The following BABAM2 variants were observed in gnomAD, a reference collection of about 807,000 sequenced individuals.
The protein encoded by BABAM2 is BRISC and BRCA1-A complex member 2.
In BABAM2, 31 loss-of-function variants were observed where a neutral mutation model predicts 54.7. The ratio of observed to expected loss-of-function variants is 0.57; its 90% CI spans 0.43 to 0.77. The LOEUF (loss-of-function observed/expected upper bound fraction) is 0.77, where lower values mean the gene tolerates loss of function less well. Ranked by LOEUF, BABAM2 falls within the 30% of genes least tolerant of loss-of-function variation. BABAM2 has a pLI of 0.00. For missense variants in BABAM2, 364 were observed against 455.8 expected, an observed-to-expected ratio of 0.80 and a Z score of 1.83; for synonymous variants, 167 against 162.9, an observed-to-expected ratio of 1.03 and a Z score of -0.19.
chr2:27,947,466 CT>C (rs1669383714), intron 3 of BABAM2, among the ~76,000 whole-genome samples: 1 of 152,096 alleles, frequency 6.6e-6, no homozygotes, highest in Non-Finnish European at 1.5e-5. Context: ...TCTGGCCATC[CT>C]TTTCTGCTAT....
rs1673045954 is a variant in BABAM2, at chr2:27,995,079, C to T, written c.300+6992C>T. ...TGAAGACCCTTTCCCCCATCACACC[C>T]CGTCACAGCTGAGATTCCTACCTCC... On this transcript the variant is annotated intron_variant, in intron 4 of 11. Transcript: ENST00000379624. This position sits in a 1 kb window ranked among gnomAD's most constrained non-coding sequence, Gnocchi z 4.1. Among the ~76,000 whole-genome samples, 1 of 152,166 alleles carries T rather than the reference C, an allele frequency of 6.6e-6. No homozygotes were observed. Among genetic ancestry groups the T allele is most frequent in the Non-Finnish European group, 1.5e-5 (1 of 68,026 alleles).
chr2:27,984,482 A>T (rs1333683654), intron 3 of BABAM2, among the ~76,000 whole-genome samples: 1 of 152,094 alleles, frequency 6.6e-6, no homozygotes, highest in Non-Finnish European at 1.5e-5. Context: ...ATCTGAGATG[A>T]TGATAGTGGC....
At chr2:28,040,291 A>ATTTTTTT (rs1204898070) in intron 5 of BABAM2, among the ~76,000 whole-genome samples, 16 of 97,224 alleles carry the variant, frequency 1.6e-4, no homozygotes, top group South Asian at 9.2e-4. Context: ...GAAAAACTGA[A>ATTTTTTT]TTCTTTTTTT....
intron 6 of BABAM2, among the ~76,000 whole-genome samples, chr2:28,081,857 T>G (rs1229675689): frequency 6.6e-6 from 1 of 152,186 alleles, no homozygotes; most frequent in Non-Finnish European, 1.5e-5. Flanking sequence ...CAAAAAGGCA[T>G]GGGGATATGT....
chr2:28,327,412 G>A (rs1690569570), intron 11 of BABAM2: 1 of 1,609,824 alleles, frequency 6.2e-7, no homozygotes, highest in Non-Finnish European at 8.5e-7. Flanking sequence ...GGGCCTCAGA[G>A]GGAGAGAGAA....
rs558942685 is a variant in BABAM2, at chr2:28,333,546, C to T, written c.1089-4904C>T. On this transcript the variant is annotated intron_variant, in intron 11 of 11. Transcript: ENST00000379624. ...CTTCTGCTCTGAATTCATGGGAAAC[C>T]TACCCAGTCCTTACGTTTTCTTCTC... is the stretch of plus-strand genomic sequence containing the variant. Among the ~76,000 whole-genome samples the T allele has an allele frequency of 1.1e-4, 16 of 152,328 alleles. No individual in the cohort carries two copies. In the East Asian group the frequency reaches 2.9e-3, roughly 28 times the overall value.
At chr2:28,207,973 A>C (rs1370735498) in intron 7 of BABAM2, among the ~76,000 whole-genome samples, 2 of 152,204 alleles carry the variant, frequency 1.3e-5, no homozygotes, top group Admixed American at 6.5e-5. Context: ...ACAAAGAGAG[A>C]ATACATATTT....
intron 3 of BABAM2, among the ~76,000 whole-genome samples, chr2:27,970,908 G>A (rs1671165650): frequency 6.6e-6 from 1 of 151,950 alleles, no homozygotes; most frequent in African/African-American, 2.4e-5. Flanking sequence ...ATATCCCACA[G>A]TTTGGTTTAT....
intron 10 of BABAM2, among the ~76,000 whole-genome samples, chr2:28,269,655 C>T (rs977930814): frequency 6.6e-6 from 1 of 152,126 alleles, no homozygotes; most frequent in Non-Finnish European, 1.5e-5. Context: ...CAGGCCACTC[C>T]TGTTTGAATG....
chr2:28,122,472 A>G (rs1220720978), intron 6 of BABAM2, among the ~76,000 whole-genome samples: 1 of 152,162 alleles, frequency 6.6e-6, no homozygotes. Context: ...GCGCCTGTAT[A>G]GCCATATATA....
At chr2:28,082,095 GGCA>G (rs1665223199) in intron 6 of BABAM2, among the ~76,000 whole-genome samples, 1 of 143,740 alleles carries the variant, frequency 7.0e-6, no homozygotes, top group Non-Finnish European at 1.6e-5. Flanking sequence ...ATGTGACAGT[GGCA>G]TATTGCTATG....
At chr2:28,043,154 A>G (rs1573460085) in intron 5 of BABAM2, among the ~76,000 whole-genome samples, 3 of 144,812 alleles carry the variant, frequency 2.1e-5, no homozygotes, top group Admixed American at 6.8e-5. Flanking sequence ...TTTTAGACGG[A>G]GTCTTGCTCT....
intron 11 of BABAM2, among the ~76,000 whole-genome samples, chr2:28,315,446 CTT>C (rs1364894527): frequency 2.7e-5 from 3 of 111,756 alleles, no homozygotes; most frequent in African/African-American, 9.1e-5. Context: ...CTTTTCTTTT[CTT>C]TTCTTTTCTT....
intron 4 of BABAM2, among the ~76,000 whole-genome samples, chr2:28,020,615 G>A (rs1160299983): frequency 6.6e-6 from 1 of 151,928 alleles, no homozygotes; most frequent in Non-Finnish European, 1.5e-5. Context: ...TCCTCATTTA[G>A]TGTTTTAACA....
At chr2:27,918,895 G>T (rs1029457006) in intron 2 of BABAM2, among the ~76,000 whole-genome samples, 1 of 151,984 alleles carries the variant, frequency 6.6e-6, no homozygotes, top group East Asian at 1.9e-4. Flanking sequence ...TCTCCATGTT[G>T]CCCAGGCTGG....
At chr2:28,130,211 A>G (rs1449220808) in intron 7 of BABAM2, among the ~76,000 whole-genome samples, 1 of 152,220 alleles carries the variant, frequency 6.6e-6, no homozygotes, top group Non-Finnish European at 1.5e-5. Context: ...TCTGTCTGTG[A>G]GTAGATGTGG....
chr2:28,126,644 T>TTTGGGTATA (rs1358429015), intron 6 of BABAM2, among the ~76,000 whole-genome samples: 1 of 124,072 alleles, frequency 8.1e-6, no homozygotes, highest in African/African-American at 3.0e-5. Flanking sequence ...TTTATAGTCC[T>TTTGGGTATA]TTGGGTATAT....
At chr2:28,099,736 A>T (rs1005356059) in intron 6 of BABAM2, among the ~76,000 whole-genome samples, 1 of 152,320 alleles carries the variant, frequency 6.6e-6, no homozygotes, top group African/African-American at 2.4e-5. Flanking sequence ...GTTCCAAAAC[A>T]TTCTCCAACA....
chr2:28,074,258 A>T (rs1664447700), intron 6 of BABAM2, among the ~76,000 whole-genome samples: 1 of 152,148 alleles, frequency 6.6e-6, no homozygotes, highest in African/African-American at 2.4e-5. Flanking sequence ...CACTATTGAC[A>T]TTTTTGGCCA....
Sources: gnomAD v4.1 joint callset for allele counts (sites outside exome capture counted in the v4.1 genomes callset) on GRCh38, gnomAD v4.1.1 for gene constraint, Gnocchi (gnomAD v3.1) non-coding constraint, MANE v1.5 for transcripts, NCBI Gene and HGNC (gene_info 2026-07-23, HGNC 2026-07-21) for gene names.